Variants in MINDY4 observed in about 807,000 individuals in gnomAD.
MINDY4 encodes the protein probable ubiquitin carboxyl-terminal hydrolase MINDY-4.
MINDY4 carries 68 observed loss-of-function variants against 87.0 expected under a neutral mutation model. That is an observed-to-expected ratio of 0.78 (90% CI 0.64 to 0.96). The LOEUF (loss-of-function observed/expected upper bound fraction) is 0.96, where lower values mean the gene tolerates loss of function less well. Among genes scored for constraint, MINDY4 ranks in the 40% least tolerant of loss-of-function variants. The pLI, the probability that MINDY4 is intolerant of heterozygous loss-of-function variation, is 0.00. For synonymous variants in MINDY4, 379 were observed against 363.2 expected (o/e 1.04, Z -0.50); for missense variants, 919 against 928.2 (o/e 0.99, Z 0.13).
intron 15 of MINDY4, among the ~76,000 whole-genome samples, chr7:30,880,310 C>CT (rs1790423237): frequency 1.5e-5 from 2 of 129,204 alleles, no homozygotes; most frequent in Admixed American, 1.4e-4. Context: ...GCACCCCCCC[C>CT]CACCCCCGAC....
Position 30,781,975 on chromosome 7 carries a change from A to G in MINDY4, c.184-2A>G. ...TGATTTTTTTTTCTCTCCCAATGAT[A>G]GGCAAAGGAAAATCCTCTAAAAACA... On this transcript the variant is annotated splice_acceptor_variant, in intron 2 of 17. Transcript: ENST00000265299. LOFTEE classifies it high-confidence loss of function. The G allele has an allele frequency of 6.2e-7, 1 of 1,607,440 alleles. No homozygotes were observed.
chr7:30,787,923 A>G (rs1757982950), intron 4 of MINDY4, among the ~76,000 whole-genome samples: 1 of 152,254 alleles, frequency 6.6e-6, no homozygotes, highest in East Asian at 1.9e-4. Flanking sequence ...ATTAAAAGTG[A>G]GAAGTTAAAA....
At chr7:30,881,903 G>C (rs766740293) in intron 15 of MINDY4, among the ~76,000 whole-genome samples, 13 of 152,106 alleles carry the variant, frequency 8.5e-5, no homozygotes, top group Non-Finnish European at 1.8e-4. Flanking sequence ...GCAGTACTGG[G>C]AACCATTAGA....
At position 30,828,723 on chromosome 7, in the gene MINDY4, G is replaced by A; in HGVS notation, c.1118G>A (p.Gly373Asp). The change falls in exon 6 of 18, where the codon GGT becomes GAT. Residue 373 changes from glycine to aspartate, a missense_variant. By Grantham distance (94) the Gly-to-Asp change is moderately conservative. Transcript: ENST00000265299. ...TCTGACAAGGTGGATGGTGAGCTGG[G>A]TGCCCTGCGGCTCGGTAGGTGCAGC... ...LPSDKVDGELGALRLEDVEDE... is the reference protein window; with the variant it reads ...LPSDKVDGELDALRLEDVEDE... The A allele has an allele frequency of 6.2e-7, 1 of 1,613,318 alleles. No homozygotes were observed. Among genetic ancestry groups the A allele is most frequent in the Non-Finnish European group, 8.5e-7 (1 of 1,180,032 alleles).
At chr7:30,859,528 G>A (rs190991210) in intron 13 of MINDY4, among the ~76,000 whole-genome samples, 140 of 152,344 alleles carry the variant, frequency 9.2e-4, no homozygotes, top group African/African-American at 3.2e-3. Flanking sequence ...CGTGTCCAGG[G>A]CTACCATGTG....
rs1788686438 is a variant in MINDY4, at chr7:30,831,070, G to A, written c.1132+2333G>A. Among the ~76,000 whole-genome samples, 4 of 152,186 alleles carry A rather than the reference G, an allele frequency of 2.6e-5. No individual in the cohort carries two copies. In the South Asian group the frequency reaches 8.3e-4, roughly 32 times the overall value. On this transcript the variant is annotated intron_variant, in intron 6 of 17. Transcript: ENST00000265299. ...GGGGCTATATCTGGACTTAGGTGTA[G>A]AATAGACTTTAGGGATACAAGCTTA...
intron 5 of MINDY4, among the ~76,000 whole-genome samples, chr7:30,794,418 C>G (rs1787418478): frequency 1.3e-5 from 2 of 152,132 alleles, no homozygotes; most frequent in African/African-American, 4.8e-5. Context: ...CCTAAGGAAG[C>G]TGGAGGAGAG....
chr7:30,863,208 A>G (rs867982044), intron 13 of MINDY4, among the ~76,000 whole-genome samples: 1 of 152,228 alleles, frequency 6.6e-6, no homozygotes, highest in African/African-American at 2.4e-5. Context: ...ACTTTGGGCA[A>G]TTGAAAACAT....
intron 5 of MINDY4, among the ~76,000 whole-genome samples, chr7:30,815,192 G>GC (rs1197078645): frequency 6.6e-5 from 10 of 152,200 alleles, no homozygotes; most frequent in Non-Finnish European, 1.5e-4. Context: ...CCTTCAGGCA[G>GC]CCACTCCTTC....
intron 5 of MINDY4, among the ~76,000 whole-genome samples, chr7:30,809,261 C>T (rs1040614916): frequency 1.3e-5 from 2 of 151,586 alleles, no homozygotes; most frequent in Non-Finnish European, 2.9e-5. Flanking sequence ...TGCGGATGGC[C>T]CAAATGCATT....
intron 5 of MINDY4, among the ~76,000 whole-genome samples, chr7:30,798,322 C>T (rs1036742027): frequency 3.3e-5 from 5 of 151,966 alleles, no homozygotes; most frequent in South Asian, 4.2e-4. Flanking sequence ...CATTGGGATT[C>T]GTGTATGGAT....
chr7:30,846,135 A>G (rs927998637), intron 9 of MINDY4, among the ~76,000 whole-genome samples: 5 of 152,132 alleles, frequency 3.3e-5, no homozygotes, highest in Middle Eastern at 3.2e-3. Context: ...GTGCTTGCCC[A>G]AGGCCTCTGT....
chr7:30,792,986 G>A (rs564286356), intron 5 of MINDY4, among the ~76,000 whole-genome samples: 136 of 148,368 alleles, frequency 9.2e-4, no homozygotes, highest in South Asian at 1.5e-3. Context: ...TCTGTATTCC[G>A]TAAGTTAATA....
At chr7:30,774,653 G>A (rs1786753732) in intron 1 of MINDY4, among the ~76,000 whole-genome samples, 1 of 151,876 alleles carries the variant, frequency 6.6e-6, no homozygotes, top group African/African-American at 2.4e-5. Context: ...TTATTAACCT[G>A]GAATTTTTAG....
rs373491679 is a variant in MINDY4, at chr7:30,817,097, G to A, written c.1074-11582G>A. ...CCAGTGGCCAAGGGAGGTAGAGGAA[G>A]CCCCTCCGGAGGCTCAGAGTCCCAC... On this transcript the variant is annotated intron_variant, in intron 5 of 17. Transcript: ENST00000265299. Among the ~76,000 whole-genome samples, 3 of 152,132 alleles carry A rather than the reference G, an allele frequency of 2.0e-5. No homozygotes were observed. The South Asian group carries it at 6.2e-4, about 31-fold the overall frequency.
chr7:30,808,485 T>A (rs1222971659), intron 5 of MINDY4, among the ~76,000 whole-genome samples: 1 of 152,156 alleles, frequency 6.6e-6, no homozygotes, highest in Non-Finnish European at 1.5e-5. Flanking sequence ...ACTCGTTCTT[T>A]GTTTTGTGTT....
chr7:30,829,860 A>G (rs1401750782), intron 6 of MINDY4, among the ~76,000 whole-genome samples: 1 of 152,204 alleles, frequency 6.6e-6, no homozygotes, highest in Non-Finnish European at 1.5e-5. Flanking sequence ...TTCAGAACCC[A>G]GAGAACTTCT....
chr7:30,848,643 T>C (rs1385552510), intron 9 of MINDY4, among the ~76,000 whole-genome samples: 1 of 152,206 alleles, frequency 6.6e-6, no homozygotes, highest in African/African-American at 2.4e-5. Flanking sequence ...AACCGTGACC[T>C]GGGCCAGTGC....
intron 15 of MINDY4, among the ~76,000 whole-genome samples, chr7:30,876,804 T>C (rs1790272017): frequency 1.3e-5 from 2 of 152,146 alleles, no homozygotes. Flanking sequence ...GGATGAGGCC[T>C]CATTCACCAC....
Sources: gnomAD v4.1 joint callset for allele counts (sites outside exome capture counted in the v4.1 genomes callset) on GRCh38, gnomAD v4.1.1 for gene constraint, MANE v1.5 for transcripts, NCBI Gene and HGNC (gene_info 2026-07-23, HGNC 2026-07-21) for gene names.